The following NRXN1 variants were observed in gnomAD, a reference collection of about 807,000 sequenced individuals.
The protein encoded by NRXN1 is neurexin-1.
NRXN1 carries 39 observed loss-of-function variants against 150.9 expected under a neutral mutation model. The ratio of observed to expected loss-of-function variants is 0.26; its 90% confidence interval spans 0.20 to 0.34. NRXN1 has a LOEUF of 0.34. Among genes scored for constraint, NRXN1 ranks in the 10% least tolerant of loss-of-function variants. NRXN1 has a pLI of 1.00. For missense variants in NRXN1, 1,815 were observed against 1,949.9 expected (o/e 0.93, Z 1.30); for synonymous variants, 924 against 757.0 (o/e 1.22, Z -3.62).
intron 8 of NRXN1, among the ~76,000 whole-genome samples, chr2:50,590,449 C>A (rs181857773): frequency 4.6e-4 from 70 of 152,212 alleles, no homozygotes; most frequent in African/African-American, 1.6e-3. Context: ...TTCCCATGAC[C>A]TTAATACCTT....
chr2:50,228,251 T>C (rs1318369979), intron 18 of NRXN1, among the ~76,000 whole-genome samples: 1 of 152,112 alleles, frequency 6.6e-6, no homozygotes, highest in Non-Finnish European at 1.5e-5. Flanking sequence ...TAATTGTATT[T>C]AGTAAAACTA....
chr2:50,148,903 T>C (rs755772879), intron 18 of NRXN1, among the ~76,000 whole-genome samples: 39 of 151,868 alleles, frequency 2.6e-4, no homozygotes, highest in Non-Finnish European at 5.3e-4. Context: ...ACTGACAACA[T>C]CTACATCTAC....
chr2:50,914,240 G>A (rs543342718), intron 5 of NRXN1, among the ~76,000 whole-genome samples: 106 of 151,596 alleles, frequency 7.0e-4, no homozygotes, highest in African/African-American at 2.4e-3. Flanking sequence ...AAAATCAAAG[G>A]CTTTTGGGTG....
At chr2:50,893,606 T>C (rs1159253480) in intron 5 of NRXN1, among the ~76,000 whole-genome samples, 2 of 152,308 alleles carry the variant, frequency 1.3e-5, no homozygotes, top group African/African-American at 4.8e-5. Flanking sequence ...ATCTTTACTA[T>C]GTGATATTTA....
intron 18 of NRXN1, among the ~76,000 whole-genome samples, chr2:50,179,067 C>T (rs2060532740): frequency 6.6e-6 from 1 of 152,120 alleles, no homozygotes; most frequent in African/African-American, 2.4e-5. Context: ...GAGCAAAACA[C>T]TTTGTCATCC....
At chr2:50,795,678 T>C (rs1706721481) in intron 5 of NRXN1, among the ~76,000 whole-genome samples, 1 of 152,114 alleles carries the variant, frequency 6.6e-6, no homozygotes, top group Non-Finnish European at 1.5e-5. Flanking sequence ...TTTACCCCAG[T>C]TGATACACAA....
chr2:50,795,562 A>C (rs1706698359), intron 5 of NRXN1, among the ~76,000 whole-genome samples: 4 of 141,480 alleles, frequency 2.8e-5, no homozygotes, highest in South Asian at 2.2e-4. Context: ...TCTCTCTTTC[A>C]CCCCCTTCCT....
intron 2 of NRXN1, among the ~76,000 whole-genome samples, chr2:51,005,188 C>T (rs1287495401): frequency 6.6e-6 from 1 of 151,894 alleles, no homozygotes; most frequent in African/African-American, 2.4e-5. Flanking sequence ...TCCTCATCTT[C>T]TTTATTCCAA....
chr2:50,310,850 A>G (rs961513658), intron 17 of NRXN1, among the ~76,000 whole-genome samples: 1 of 152,172 alleles, frequency 6.6e-6, no homozygotes, highest in Non-Finnish European at 1.5e-5. Flanking sequence ...ATCACATCTT[A>G]CCTTATAAGA....
intron 17 of NRXN1, among the ~76,000 whole-genome samples, chr2:50,274,026 G>A (rs2070069458): frequency 6.6e-6 from 1 of 152,040 alleles, no homozygotes; most frequent in Non-Finnish European, 1.5e-5. Flanking sequence ...CCATTACTGG[G>A]TATATACCCA....
intron 18 of NRXN1, among the ~76,000 whole-genome samples, chr2:50,169,852 T>C (rs533232926): frequency 3.9e-5 from 6 of 151,948 alleles, no homozygotes; most frequent in African/African-American, 1.2e-4. Flanking sequence ...AAACTTACAT[T>C]GTGTGTTGGG....
intron 17 of NRXN1, among the ~76,000 whole-genome samples, chr2:50,344,477 G>A (rs766195485): frequency 1.4e-4 from 21 of 151,952 alleles, no homozygotes; most frequent in Non-Finnish European, 2.8e-4. Flanking sequence ...ACACAAACAC[G>A]ACCATACAAC....
intron 18 of NRXN1, among the ~76,000 whole-genome samples, chr2:50,173,379 A>C (rs1444190853): frequency 6.6e-6 from 1 of 152,204 alleles, no homozygotes; most frequent in Non-Finnish European, 1.5e-5. Context: ...CATAACAGGA[A>C]TGACTAAGGT....
intron 5 of NRXN1, among the ~76,000 whole-genome samples, chr2:50,874,154 GTT>G (rs1256998779): frequency 6.6e-6 from 1 of 151,832 alleles, no homozygotes; most frequent in Non-Finnish European, 1.5e-5. Context: ...GCCATGAAGT[GTT>G]TTGCAAAGAA....
chr2:50,891,252 A>C (rs1202267132), intron 5 of NRXN1, among the ~76,000 whole-genome samples: 1 of 152,070 alleles, frequency 6.6e-6, no homozygotes, highest in East Asian at 1.9e-4. Context: ...GAATATCTCC[A>C]AAATTGCTGC....
intron 8 of NRXN1, among the ~76,000 whole-genome samples, chr2:50,596,549 C>G (rs1239900248): frequency 6.6e-6 from 1 of 152,226 alleles, no homozygotes; most frequent in African/African-American, 2.4e-5. Flanking sequence ...AATTCCAGAT[C>G]TCTGACTCTC....
chr2:50,939,210 C>CAAA (rs78496825), intron 2 of NRXN1, among the ~76,000 whole-genome samples: 2 of 68,310 alleles, frequency 2.9e-5, no homozygotes, highest in Non-Finnish European at 6.0e-5. Context: ...GACTCCATCT[C>CAAA]AAAAAAAAAA....
intron 5 of NRXN1, among the ~76,000 whole-genome samples, chr2:50,639,202 T>TC (rs1553916394): frequency 7.8e-6 from 1 of 127,934 alleles, no homozygotes; most frequent in Admixed American, 8.5e-5. Flanking sequence ...TTTATCATTT[T>TC]TTTCTTTCTT....
At chr2:50,507,763 ATT>A (rs993203831) in intron 12 of NRXN1, among the ~76,000 whole-genome samples, 51 of 152,056 alleles carry the variant, frequency 3.4e-4, no homozygotes, top group African/African-American at 1.2e-3. Context: ...TTAAAGATAC[ATT>A]GTTTGGTAAT....
Sources: gnomAD v4.1 joint callset for allele counts (sites outside exome capture counted in the v4.1 genomes callset) on GRCh38, gnomAD v4.1.1 for gene constraint, MANE v1.5 for transcripts, NCBI Gene and HGNC (gene_info 2026-07-23, HGNC 2026-07-21) for gene names.